RPL39L: variants seen among roughly 807,000 people sequenced by gnomAD.
RPL39L encodes the protein ribosomal protein eL39-like 2.
For synonymous variants in RPL39L, 16 were observed against 20.1 expected, an observed-to-expected ratio of 0.80 and a Z score of 0.55; for missense variants, 48 against 58.9, an observed-to-expected ratio of 0.81 and a Z score of 0.61.
intron 1 of RPL39L, among the ~76,000 whole-genome samples, chr3:187,129,364 C>T (rs1476232950): frequency 6.6e-6 from 1 of 152,174 alleles, no homozygotes; most frequent in Non-Finnish European, 1.5e-5. Context: ...ATAATGTAAC[C>T]TTCACCAAGC....
At chr3:187,138,966 G>A (rs1720636319) in intron 1 of RPL39L, among the ~76,000 whole-genome samples, 1 of 152,190 alleles carries the variant, frequency 6.6e-6, no homozygotes. Context: ...GGCTAAGGCG[G>A]GAGAATCGCT....
At chr3:187,129,336 C>T (rs1440075520) in intron 1 of RPL39L, among the ~76,000 whole-genome samples, 1 of 152,200 alleles carries the variant, frequency 6.6e-6, no homozygotes, top group Non-Finnish European at 1.5e-5. Context: ...AATCCAATGT[C>T]CTCTGTGTCC....
At position 187,138,140 on chromosome 3, in the gene RPL39L, C is replaced by T. The variant is rs528654870; in HGVS notation, c.-93+1073G>A. Reference sequence around the variant, plus strand: ...TAAAGACATGTCTAGAGAAGAAACTCTTTTAACTATATTTTTATATAGTTA... The same window carrying T: ...TAAAGACATGTCTAGAGAAGAAACTTTTTTAACTATATTTTTATATAGTTA... On this transcript the variant is annotated intron_variant, in intron 1 of 2. Transcript: ENST00000296277. Among the ~76,000 whole-genome samples the T allele has an allele frequency of 3.9e-5, 6 of 152,160 alleles. No individual in the cohort carries two copies. In the South Asian group the frequency reaches 8.3e-4, roughly 21 times the overall value.
chr3:187,121,977 TG>T (rs1038558874), intron 2 of RPL39L, among the ~76,000 whole-genome samples: 12 of 152,220 alleles, frequency 7.9e-5, no homozygotes, highest in African/African-American at 2.7e-4. Context: ...CAGGAAAACA[TG>T]GTTGAAAATA....
chr3:187,132,609 T>C (rs1278759600), intron 1 of RPL39L, among the ~76,000 whole-genome samples: 1 of 152,268 alleles, frequency 6.6e-6, no homozygotes, highest in Non-Finnish European at 1.5e-5. Context: ...GTATGGTTTA[T>C]GGTTTCTCAC....
intron 1 of RPL39L, among the ~76,000 whole-genome samples, chr3:187,134,617 G>C (rs1720544341): frequency 6.6e-6 from 1 of 152,112 alleles, no homozygotes; most frequent in Admixed American, 6.5e-5. Flanking sequence ...AGTCAACTTA[G>C]TCATCGAAGT....
At chr3:187,125,408 G>A (rs2287138) in intron 2 of RPL39L, among the ~76,000 whole-genome samples, 1 of 152,104 alleles carries the variant, frequency 6.6e-6, no homozygotes, top group Non-Finnish European at 1.5e-5. Context: ...TGTAACTTAA[G>A]AAGTGTCATG....
chr3:187,121,444 A>T (rs1720308279), intron 2 of RPL39L, 116 bp from the exon 3 acceptor site: 4 of 1,032,352 alleles, frequency 3.9e-6, no homozygotes, highest in Middle Eastern at 4.7e-4. Context: ...GCGAGGGCTC[A>T]TTGCCACTCA....
chr3:187,130,617 T>C (rs945488684), intron 1 of RPL39L, among the ~76,000 whole-genome samples: 7 of 152,246 alleles, frequency 4.6e-5, no homozygotes, highest in Non-Finnish European at 8.8e-5. Flanking sequence ...GAGCAGATGC[T>C]AGTGCTATGC....
rs763106226 is a variant in RPL39L, at chr3:187,121,312, G to C, written c.-12C>G. On this transcript the variant is annotated 5_prime_UTR_variant, in exon 3 of 3. Coordinates refer to ENST00000296277, the MANE Select transcript of RPL39L (RefSeq NM_052969.3). ...TTGTGAGAAGACATGGCGAGAAACAGAGTCAACCACACACCACTATGGCGG... is the reference window on the plus strand; with the variant it reads ...TTGTGAGAAGACATGGCGAGAAACACAGTCAACCACACACCACTATGGCGG... 5.6e-6 allele frequency: 9 copies of C among 1,613,842 alleles called. No homozygotes were observed. Among genetic ancestry groups the C allele is most frequent in the Admixed American group, 1.7e-5 (1 of 60,004 alleles).
chr3:187,123,449 A>G (rs1213155174), intron 2 of RPL39L, among the ~76,000 whole-genome samples: 1 of 152,216 alleles, frequency 6.6e-6, no homozygotes, highest in Non-Finnish European at 1.5e-5. Flanking sequence ...TTAGCAGCAA[A>G]GAACTTTTAG....
At chr3:187,123,332 T>C (rs1720344488) in intron 2 of RPL39L, among the ~76,000 whole-genome samples, 1 of 152,204 alleles carries the variant, frequency 6.6e-6, no homozygotes, top group Admixed American at 6.5e-5. Context: ...TGTAGGAGTC[T>C]ACAGGTTACG....
At chr3:187,124,657 G>A (rs270155) in intron 2 of RPL39L, among the ~76,000 whole-genome samples, 145,540 of 152,270 alleles carry the variant, frequency 0.96, 69,630 homozygotes, top group East Asian at 1. Context: ...TAACATCTAT[G>A]CTGAATATCA....
intron 2 of RPL39L, 131 bp from the exon 3 acceptor site, chr3:187,121,459 C>A: frequency 1.1e-6 from 1 of 875,996 alleles, no homozygotes; most frequent in Non-Finnish European, 1.7e-6. Context: ...CACTCAGGAT[C>A]CCACAGGCAG....
intron 1 of RPL39L, among the ~76,000 whole-genome samples, chr3:187,133,303 T>C (rs553831309): frequency 2.0e-5 from 3 of 152,072 alleles, no homozygotes; most frequent in Non-Finnish European, 1.5e-5. Flanking sequence ...ATGTGGGTGG[T>C]TTCCCCCGTG....
intron 2 of RPL39L, among the ~76,000 whole-genome samples, chr3:187,124,230 A>G (rs1016272838): frequency 2.6e-5 from 4 of 152,214 alleles, no homozygotes; most frequent in African/African-American, 9.6e-5. Flanking sequence ...ATTAGTCTAG[A>G]GGCTGCAAAT....
chr3:187,121,898 C>A (rs887313182), intron 2 of RPL39L, among the ~76,000 whole-genome samples: 6 of 152,136 alleles, frequency 3.9e-5, no homozygotes, highest in African/African-American at 1.4e-4. Context: ...GCAACTCTTT[C>A]TCAATAACCC....
intron 1 of RPL39L, among the ~76,000 whole-genome samples, chr3:187,132,091 A>G (rs1210998346): frequency 6.6e-6 from 1 of 152,196 alleles, no homozygotes; most frequent in East Asian, 1.9e-4. Context: ...ACCATTAGTT[A>G]TGGTTGCAGG....
At chr3:187,122,610 A>G (rs2108466805) in intron 2 of RPL39L, among the ~76,000 whole-genome samples, 1 of 152,344 alleles carries the variant, frequency 6.6e-6, no homozygotes, top group Non-Finnish European at 1.5e-5. Context: ...AAAGAAAGAA[A>G]GGCAAAAGAG....
Sources: allele counts gnomAD v4.1 joint callset (sites outside exome capture counted in the v4.1 genomes callset), GRCh38; gene constraint gnomAD v4.1.1; transcripts MANE v1.5; gene names NCBI Gene and HGNC (gene_info 2026-07-23, HGNC 2026-07-21).